PSMA1: variants seen among roughly 807,000 people sequenced by gnomAD.
The protein encoded by PSMA1 is proteasome 20S subunit alpha 1.
Under a neutral mutation model 38.4 loss-of-function variants are expected in PSMA1, and 3 were observed. The observed-to-expected ratio is 0.08, with a 90% confidence interval of 0.04 to 0.20. The LOEUF (loss-of-function observed/expected upper bound fraction) is 0.20, where lower values mean the gene tolerates loss of function less well. PSMA1 is among the 10% of genes least tolerant of loss of function. The pLI is 1.00. For missense variants in PSMA1, 227 were observed against 325.3 expected (o/e 0.70, Z 2.32); for synonymous variants, 101 against 107.1 (o/e 0.94, Z 0.35).
chr11:14,610,043 G>A (rs1852691880), intron 2 of PSMA1, among the ~76,000 whole-genome samples: 1 of 152,180 alleles, frequency 6.6e-6, no homozygotes, highest in Non-Finnish European at 1.5e-5. Context: ...CAATTTTCAG[G>A]AGTCAGGAAA....
intron 1 of PSMA1, among the ~76,000 whole-genome samples, chr11:14,616,491 CAA>C (rs1022433684): frequency 1.1e-4 from 16 of 152,096 alleles, no homozygotes; most frequent in Admixed American, 9.8e-4. Context: ...CTCGGCCTTC[CAA>C]AGTGCTAAGA....
chr11:14,586,478 C>T (rs1350431370), intron 2 of PSMA1, among the ~76,000 whole-genome samples: 5 of 151,970 alleles, frequency 3.3e-5, no homozygotes, highest in African/African-American at 1.2e-4. Context: ...CTCCCTGAGC[C>T]AGGGTAGTAT....
chr11:14,604,950 A>C (rs1279773786), intron 2 of PSMA1, among the ~76,000 whole-genome samples: 2 of 152,138 alleles, frequency 1.3e-5, no homozygotes, highest in African/African-American at 4.8e-5. Context: ...TATCCAATCC[A>C]CCACTGATGA....
At chr11:14,642,545 A>C (rs911304233) in intron 1 of PSMA1, among the ~76,000 whole-genome samples, 2 of 152,216 alleles carry the variant, frequency 1.3e-5, no homozygotes, top group African/African-American at 4.8e-5. Flanking sequence ...GTTTTAGGTC[A>C]TGACTGTGGG....
At chr11:14,553,044 C>T (rs576136618) in intron 2 of PSMA1, among the ~76,000 whole-genome samples, 83 of 152,122 alleles carry the variant, frequency 5.5e-4, no homozygotes, top group African/African-American at 1.9e-3. Flanking sequence ...AGGCTGATCT[C>T]GAATTCCTGG....
At chr11:14,630,959 G>T (rs1312625006) in intron 1 of PSMA1, among the ~76,000 whole-genome samples, 1 of 152,186 alleles carries the variant, frequency 6.6e-6, no homozygotes, top group African/African-American at 2.4e-5. Context: ...GCGTAGAGGT[G>T]TTTGTAGTAT....
chr11:14,641,085 C>T (rs1205299915), intron 1 of PSMA1, among the ~76,000 whole-genome samples: 1 of 151,638 alleles, frequency 6.6e-6, no homozygotes, highest in Non-Finnish European at 1.5e-5. Flanking sequence ...GTAGATGACG[C>T]CTTGATGGGT....
At chr11:14,511,223 T>C (rs1009121605) in intron 7 of PSMA1, among the ~76,000 whole-genome samples, 3 of 152,206 alleles carry the variant, frequency 2.0e-5, no homozygotes, top group Non-Finnish European at 2.9e-5. Flanking sequence ...GACTATAAAT[T>C]ATACAACTCC....
At chr11:14,580,024 C>T (rs1010422466) in intron 2 of PSMA1, among the ~76,000 whole-genome samples, 33 of 152,160 alleles carry the variant, frequency 2.2e-4, no homozygotes, top group Non-Finnish European at 8.8e-5. Context: ...ATCTGAAGAA[C>T]CTCAAATCCA....
intron 2 of PSMA1, among the ~76,000 whole-genome samples, chr11:14,564,321 T>C (rs1852044077): frequency 6.6e-6 from 1 of 152,228 alleles, no homozygotes; most frequent in Non-Finnish European, 1.5e-5. Context: ...TGGCCTTTTT[T>C]TTCATTCAGC....
At chr11:14,576,311 T>C (rs572897668) in intron 2 of PSMA1, among the ~76,000 whole-genome samples, 5 of 152,344 alleles carry the variant, frequency 3.3e-5, no homozygotes, top group Admixed American at 1.3e-4. Context: ...ATTTTGGCTT[T>C]TGTTGCCATT....
intron 2 of PSMA1, among the ~76,000 whole-genome samples, chr11:14,563,050 T>G (rs1367710053): frequency 6.6e-6 from 1 of 152,180 alleles, no homozygotes; most frequent in African/African-American, 2.4e-5. Flanking sequence ...TTACCTTTAT[T>G]GTGTCATTAT....
At chr11:14,570,297 G>A (rs1487103870) in intron 2 of PSMA1, among the ~76,000 whole-genome samples, 3 of 152,188 alleles carry the variant, frequency 2.0e-5, no homozygotes, top group Non-Finnish European at 4.4e-5. Context: ...AAAAATCAGA[G>A]CACCTCTTCT....
chr11:14,571,550 T>C (rs534431111), intron 2 of PSMA1, among the ~76,000 whole-genome samples: 3 of 151,908 alleles, frequency 2.0e-5, no homozygotes, highest in Admixed American at 6.6e-5. Context: ...TACCAGCCAC[T>C]GCAAAAACAT....
chr11:14,585,133 TC>T (rs1020380113), intron 2 of PSMA1, among the ~76,000 whole-genome samples: 5 of 152,210 alleles, frequency 3.3e-5, no homozygotes, highest in Non-Finnish European at 7.3e-5. Context: ...TTTGGAATTG[TC>T]AAATTTCCAA....
chr11:14,628,432 T>C (rs1852947947), intron 1 of PSMA1, among the ~76,000 whole-genome samples: 1 of 149,150 alleles, frequency 6.7e-6, no homozygotes, highest in Non-Finnish European at 1.5e-5. Context: ...TTTTTTGTTC[T>C]TGCGATAGTT....
intron 1 of PSMA1, among the ~76,000 whole-genome samples, chr11:14,620,654 G>C (rs925474712): frequency 6.6e-6 from 1 of 152,184 alleles, no homozygotes; most frequent in Non-Finnish European, 1.5e-5. Context: ...TTTTGAGGTC[G>C]TCTAGACCTA....
chr11:14,576,702 G>A (rs1291434526), intron 2 of PSMA1, among the ~76,000 whole-genome samples: 11 of 152,164 alleles, frequency 7.2e-5, no homozygotes, highest in Non-Finnish European at 1.2e-4. Flanking sequence ...ATAGTTTGAA[G>A]TCAGATAGCA....
intron 2 of PSMA1, among the ~76,000 whole-genome samples, chr11:14,592,282 C>G (rs1281988236): frequency 1.3e-5 from 2 of 152,210 alleles, no homozygotes; most frequent in Middle Eastern, 3.4e-3. Flanking sequence ...CAGGACCTTC[C>G]GCTGCTCGCT....
Sources: allele counts gnomAD v4.1 joint callset (sites outside exome capture counted in the v4.1 genomes callset), GRCh38; gene constraint gnomAD v4.1.1; transcripts MANE v1.5; gene names NCBI Gene and HGNC (gene_info 2026-07-23, HGNC 2026-07-21).